Variants in MCTP1 observed in about 807,000 individuals in gnomAD.
The protein encoded by MCTP1 is multiple C2 and transmembrane domain containing 1.
MCTP1 carries 69 observed loss-of-function variants against 120.6 expected under a neutral mutation model. That is an observed-to-expected ratio of 0.57 (90% CI 0.47 to 0.70). MCTP1 has a LOEUF of 0.70. MCTP1 is among the 30% of genes least tolerant of loss of function. MCTP1 has a pLI of 0.00. For missense variants in MCTP1, 1,203 were observed against 1,248.8 expected (o/e 0.96, Z 0.55); for synonymous variants, 529 against 493.1 (o/e 1.07, Z -0.96).
chr5:95,183,175 C>T (rs902308226), intron 1 of MCTP1, among the ~76,000 whole-genome samples: 2 of 151,906 alleles, frequency 1.3e-5, no homozygotes, highest in African/African-American at 4.8e-5. Context: ...TCAAATGTGC[C>T]AAGGCAATTC....
Position 95,183,555 on chromosome 5 carries a change from T to G in MCTP1, c.720+100301A>C, listed in dbSNP as rs548298790. ...AAAGCCAGAAATTTGGAGCATGAATTTGAAATACATATATCTGACATATTG... is the reference window on the plus strand; with the variant it reads ...AAAGCCAGAAATTTGGAGCATGAATGTGAAATACATATATCTGACATATTG... On this transcript the variant is annotated intron_variant, in intron 1 of 22. Coordinates refer to ENST00000515393, the MANE Select transcript of MCTP1 (RefSeq NM_024717.7). 2.6e-5 allele frequency among the ~76,000 whole-genome samples: 4 copies of G among 152,226 alleles called. No individual in the cohort carries two copies. The South Asian group carries it at 8.3e-4, about 32-fold the overall frequency.
At chr5:95,238,856 G>A (rs1219443647) in intron 1 of MCTP1, among the ~76,000 whole-genome samples, 3 of 151,970 alleles carry the variant, frequency 2.0e-5, no homozygotes, top group Non-Finnish European at 4.4e-5. Context: ...CAAGCACACC[G>A]CGTATATGCA....
chr5:94,985,495 G>GCCA (rs1258923406), intron 2 of MCTP1, among the ~76,000 whole-genome samples: 1 of 152,072 alleles, frequency 6.6e-6, no homozygotes, highest in Non-Finnish European at 1.5e-5. Flanking sequence ...TAACAACACT[G>GCCA]CCACCATTAA....
chr5:94,813,790 T>C (rs1783923801), intron 17 of MCTP1, among the ~76,000 whole-genome samples: 1 of 152,028 alleles, frequency 6.6e-6, no homozygotes. Flanking sequence ...AGGTCAAGTC[T>C]GCAGTGAGCC....
chr5:94,875,749 CTT>C (rs397960364), intron 12 of MCTP1, among the ~76,000 whole-genome samples: 4 of 138,410 alleles, frequency 2.9e-5, no homozygotes, highest in Admixed American at 7.3e-5. Flanking sequence ...CAAGTCAGTT[CTT>C]TTTTTTTTTT....
intron 2 of MCTP1, among the ~76,000 whole-genome samples, chr5:94,976,001 T>C (rs925754295): frequency 2.0e-5 from 3 of 152,266 alleles, no homozygotes; most frequent in Admixed American, 1.3e-4. Context: ...GGAAGGAATA[T>C]GTATCATCGC....
At chr5:94,832,668 T>G (rs375491246) in intron 17 of MCTP1, among the ~76,000 whole-genome samples, 3 of 151,354 alleles carry the variant, frequency 2.0e-5, no homozygotes, top group South Asian at 2.1e-4. Context: ...CCCTTCAGAA[T>G]GACTTCATGA....
At chr5:94,994,348 T>C (rs1203882057) in intron 2 of MCTP1, among the ~76,000 whole-genome samples, 1 of 152,180 alleles carries the variant, frequency 6.6e-6, no homozygotes. Context: ...CTGTGGTCTG[T>C]GTTTTGTATT....
intron 15 of MCTP1, 115 bp from the exon 16 acceptor site, chr5:94,870,606 T>C: frequency 6.2e-6 from 5 of 803,138 alleles, no homozygotes; most frequent in Non-Finnish European, 8.4e-6. Flanking sequence ...GCTGCTGTGC[T>C]CATAAAATAT....
At chr5:95,106,025 C>T (rs746081860) in intron 1 of MCTP1, among the ~76,000 whole-genome samples, 1 of 152,166 alleles carries the variant, frequency 6.6e-6, no homozygotes, top group Admixed American at 6.5e-5. Flanking sequence ...TTGTTTCAAA[C>T]TTATGGTATG....
At chr5:95,199,635 A>T (rs943550249) in intron 1 of MCTP1, among the ~76,000 whole-genome samples, 1 of 151,234 alleles carries the variant, frequency 6.6e-6, no homozygotes, top group Non-Finnish European at 1.5e-5. Context: ...AGGCGGGTGG[A>T]TCACTTGAGG....
At chr5:94,990,354 G>C (rs1831288085) in intron 2 of MCTP1, among the ~76,000 whole-genome samples, 1 of 152,200 alleles carries the variant, frequency 6.6e-6, no homozygotes, top group African/African-American at 2.4e-5. Context: ...CAAGCCATCA[G>C]CTAGACTGAG....
intron 1 of MCTP1, among the ~76,000 whole-genome samples, chr5:95,044,832 GC>G (rs1385383776): frequency 6.6e-6 from 1 of 151,590 alleles, no homozygotes; most frequent in Non-Finnish European, 1.5e-5. Flanking sequence ...CCTAGTCCGA[GC>G]CCCCGTCATC....
chr5:95,006,652 C>T (rs988654721), intron 2 of MCTP1, among the ~76,000 whole-genome samples: 1 of 152,068 alleles, frequency 6.6e-6, no homozygotes, highest in African/African-American at 2.4e-5. Context: ...ATCAAGATAG[C>T]TCATTAAAGG....
In MCTP1 at chr5:95,012,160, T is replaced by C. The variant is rs114053517; in HGVS notation, c.838+5207A>G. 7.0e-3 allele frequency among the ~76,000 whole-genome samples: 1,066 copies of C among 152,250 alleles called. 15 individuals are homozygous for C. The highest frequency in any genetic ancestry group is 0.025 in the African/African-American group (1,036 of 41,556). Reference sequence around the variant, plus strand: ...ACCTATCTCCATACATTTTTATTTCTAGATATCTGTATATATATTAATAAA... The same window carrying C: ...ACCTATCTCCATACATTTTTATTTCCAGATATCTGTATATATATTAATAAA... On this transcript the variant is annotated intron_variant, in intron 2 of 22. Coordinates refer to ENST00000515393, the MANE Select transcript of MCTP1 (RefSeq NM_024717.7).
intron 5 of MCTP1, among the ~76,000 whole-genome samples, chr5:94,933,067 T>C (rs1815211034): frequency 6.6e-6 from 1 of 151,962 alleles, no homozygotes; most frequent in African/African-American, 2.4e-5. Flanking sequence ...TAATTATATG[T>C]TCCTCTTTTA....
chr5:95,151,962 T>C (rs1760932977), intron 1 of MCTP1, among the ~76,000 whole-genome samples: 1 of 152,256 alleles, frequency 6.6e-6, no homozygotes, highest in Non-Finnish European at 1.5e-5. Flanking sequence ...GGCAACATTG[T>C]TGAAAGCTTT....
chr5:94,947,575 TATAGAGAGAG>T (rs1313940276), intron 3 of MCTP1, among the ~76,000 whole-genome samples: 55 of 47,398 alleles, frequency 1.2e-3, no homozygotes, highest in Non-Finnish European at 1.5e-3. Flanking sequence ...TATATATATA[TATAGAGAGAG>T]AGAGAGAGAG....
Position 94,789,801 on chromosome 5 carries a change from T to C in MCTP1, c.2556+9212A>G, listed in dbSNP as rs947727870. On this transcript the variant is annotated intron_variant, in intron 18 of 22. Transcript: ENST00000515393. ...GTCCTGGGCAAGGCGTGTGTCTTCATCATCTTTGAACCACAGTTTGTACTG... is the reference window on the plus strand; with the variant it reads ...GTCCTGGGCAAGGCGTGTGTCTTCACCATCTTTGAACCACAGTTTGTACTG... 3.0e-4 allele frequency among the ~76,000 whole-genome samples: 46 copies of C among 152,232 alleles called. 1 individual carries two copies. Among genetic ancestry groups the C allele is most frequent in the African/African-American group, 1.1e-3 (46 of 41,456 alleles).
Sources: allele counts gnomAD v4.1 joint callset (sites outside exome capture counted in the v4.1 genomes callset), GRCh38; gene constraint gnomAD v4.1.1; transcripts MANE v1.5; gene names NCBI Gene and HGNC (gene_info 2026-07-23, HGNC 2026-07-21).